KIAA0232: variants seen among roughly 807,000 people sequenced by gnomAD.
KIAA0232 encodes the protein KIAA0232, also known as uncharacterized protein KIAA0232.
KIAA0232 carries 27 observed loss-of-function variants against 122.0 expected under a neutral mutation model. That is an observed-to-expected ratio of 0.22 (90% CI 0.16 to 0.31). The LOEUF is 0.31. KIAA0232 is among the 10% of genes least tolerant of loss of function. The pLI is 1.00. For missense variants in KIAA0232, 1,551 were observed against 1,634.2 expected (o/e 0.95, Z 0.88); for synonymous variants, 613 against 587.6 (o/e 1.04, Z -0.63).
At chr4:6,793,753 G>C (rs141493661) in intron 1 of KIAA0232, among the ~76,000 whole-genome samples, 3 of 152,284 alleles carry the variant, frequency 2.0e-5, no homozygotes, top group African/African-American at 7.2e-5. Flanking sequence ...TAATCTGTTA[G>C]GGCGTTGTGT....
At chr4:6,791,984 T>G (rs964006189) in intron 1 of KIAA0232, among the ~76,000 whole-genome samples, 2 of 151,814 alleles carry the variant, frequency 1.3e-5, no homozygotes, top group African/African-American at 4.8e-5. Context: ...AAAAGGGGAG[T>G]TTCCCTGCAT....
chr4:6,839,359 CAA>C (rs1176668951), intron 3 of KIAA0232, among the ~76,000 whole-genome samples: 2 of 152,162 alleles, frequency 1.3e-5, no homozygotes, highest in African/African-American at 4.8e-5. Flanking sequence ...GATGGGTACA[CAA>C]ATTCCTATAC....
In KIAA0232 at chr4:6,863,113, T is replaced by C; in HGVS notation, c.2731T>C (p.Tyr911His). 1.9e-6 allele frequency: 3 copies of C among 1,614,214 alleles called. No homozygotes were observed. The highest frequency in any genetic ancestry group is 2.5e-6 in the Non-Finnish European group (3 of 1,180,036). Residue 911 changes from tyrosine to histidine, a missense_variant, in exon 7 of 10, where the codon TAT becomes CAT. Around this residue, in one of 5 missense-constraint regions of KIAA0232, gnomAD observed 1,108 missense variants for 1,154.8 expected, o/e 0.96. Coordinates refer to ENST00000307659, the MANE Select transcript of KIAA0232 (RefSeq NM_014743.3). ...SELSNVDGGD[Y>H]TTPSKPWDVA... Reference sequence around the variant, plus strand: ...GCTATCAAACGTGGATGGTGGTGATTATACAACACCCTCTAAACCCTGGGA... The same window carrying C: ...GCTATCAAACGTGGATGGTGGTGATCATACAACACCCTCTAAACCCTGGGA...
At chr4:6,835,694 C>T (rs902576089) in intron 3 of KIAA0232, among the ~76,000 whole-genome samples, 4 of 152,232 alleles carry the variant, frequency 2.6e-5, no homozygotes, top group South Asian at 2.1e-4. Context: ...GTTCAATTCC[C>T]GCTTATGAGT....
chr4:6,789,217 C>G (rs139932092), intron 1 of KIAA0232, among the ~76,000 whole-genome samples: 1 of 151,502 alleles, frequency 6.6e-6, no homozygotes, highest in East Asian at 1.9e-4. Context: ...GTGGTCTGCC[C>G]GCTTTGGCCT....
chr4:6,803,819 T>G (rs983137912), intron 1 of KIAA0232, among the ~76,000 whole-genome samples: 14 of 152,114 alleles, frequency 9.2e-5, no homozygotes, highest in Admixed American at 5.9e-4. Context: ...ATTTTCTTCC[T>G]TTACATTTAC....
At chr4:6,806,607 G>A (rs771728669) in intron 2 of KIAA0232, among the ~76,000 whole-genome samples, 18 of 151,612 alleles carry the variant, frequency 1.2e-4, no homozygotes, top group Admixed American at 4.6e-4. Context: ...GGTGGTGGGC[G>A]TCTATAATCC....
At chr4:6,837,515 G>A (rs904623143) in intron 3 of KIAA0232, among the ~76,000 whole-genome samples, 4 of 152,342 alleles carry the variant, frequency 2.6e-5, no homozygotes, top group East Asian at 3.9e-4. Context: ...ACGGGGTGGC[G>A]GCCAGGCAGA....
In KIAA0232 at chr4:6,881,579, A is replaced by G. The variant is rs1188795371; in HGVS notation, c.*613A>G. The G allele has an allele frequency of 1.3e-5, 2 of 152,656 alleles. No homozygotes were observed. Among genetic ancestry groups the G allele is most frequent in the East Asian group, 3.8e-4 (2 of 5,198 alleles). The allele number at this position is 152,656 out of a possible 1,614,324, so 9.5% of individuals were successfully genotyped here. A position where few individuals can be genotyped will look rare whatever the true frequency, so the allele number is the denominator to read the frequency against. The stretch of plus-strand genomic sequence containing the variant: ...TCTCTCTTAGGATTTCTTTTCCCCT[A>G]AAGTATCACGGAAGATACTATGGTT... On this transcript the variant is annotated 3_prime_UTR_variant, in exon 10 of 10. Coordinates refer to ENST00000307659, the MANE Select transcript of KIAA0232 (RefSeq NM_014743.3).
chr4:6,818,897 G>A (rs1332501613), intron 2 of KIAA0232, among the ~76,000 whole-genome samples: 12 of 152,058 alleles, frequency 7.9e-5, no homozygotes, highest in Non-Finnish European at 1.8e-4. Flanking sequence ...CAATGGAACG[G>A]AATAGAGAAC....
chr4:6,789,420 C>T (rs1402090873), intron 1 of KIAA0232, among the ~76,000 whole-genome samples: 2 of 151,208 alleles, frequency 1.3e-5, no homozygotes, highest in Admixed American at 6.6e-5. Flanking sequence ...ATTACAGGTG[C>T]GTGCCACCAT....
chr4:6,867,202 G>T (rs1020759409), intron 7 of KIAA0232, among the ~76,000 whole-genome samples: 3 of 152,124 alleles, frequency 2.0e-5, no homozygotes, highest in Admixed American at 1.3e-4. Flanking sequence ...GCAGTTTTAG[G>T]TGCTGTAGGT....
At chr4:6,850,391 TTACTAAA>T (rs1720211754) in intron 4 of KIAA0232, among the ~76,000 whole-genome samples, 1 of 152,222 alleles carries the variant, frequency 6.6e-6, no homozygotes, top group Non-Finnish European at 1.5e-5. Context: ...TTTCGTATGT[TTACTAAA>T]TACTGTTTGA....
intron 3 of KIAA0232, among the ~76,000 whole-genome samples, chr4:6,837,873 AGCCTTGGC>A (rs1186560631): frequency 3.3e-5 from 5 of 151,142 alleles, no homozygotes; most frequent in Admixed American, 3.3e-4. Context: ...AGCACAGTCC[AGCCTTGGC>A]TGGGCATTAG....
Position 6,871,598 on chromosome 4 carries a change from C to G in KIAA0232, c.3826C>G (p.Gln1276Glu). The change falls in exon 8 of 10, where the codon CAA (glutamine) becomes GAA (glutamate). Residue 1276 changes from glutamine (Q) to glutamate (E), a missense_variant. Coordinates refer to ENST00000307659, the MANE Select transcript of KIAA0232 (RefSeq NM_014743.3). Reference protein sequence around the residue: ...EEFPVLNTDIQGMNRSQEKQT... With the variant: ...EEFPVLNTDIEGMNRSQEKQT... ...GTTCCCTGTATTGAACACTGATATA[C>G]AAGGAATGAATAGAAGTCAAGAAAA... is the stretch of plus-strand genomic sequence containing the variant. 1 of 1,608,212 alleles carries G rather than the reference C, an allele frequency of 6.2e-7. No homozygotes were observed. Among genetic ancestry groups the G allele is most frequent in the African/African-American group, 1.3e-5 (1 of 74,872 alleles).
intron 1 of KIAA0232, among the ~76,000 whole-genome samples, chr4:6,795,115 G>T (rs1432349516): frequency 6.6e-6 from 1 of 152,078 alleles, no homozygotes; most frequent in Admixed American, 6.5e-5. Flanking sequence ...CTGTCGCCCA[G>T]GCTGGAGTGC....
At chr4:6,849,631 T>C (rs1431204385) in intron 4 of KIAA0232, among the ~76,000 whole-genome samples, 1 of 151,946 alleles carries the variant, frequency 6.6e-6, no homozygotes, top group Non-Finnish European at 1.5e-5. Flanking sequence ...AAGAAAAAAT[T>C]AGCCGGATGT....
intron 8 of KIAA0232, among the ~76,000 whole-genome samples, chr4:6,872,660 T>C (rs1721553775): frequency 6.6e-6 from 1 of 152,210 alleles, no homozygotes; most frequent in Non-Finnish European, 1.5e-5. Context: ...AACACCAGTC[T>C]CCTGTCAGAG....
chr4:6,833,838 C>CT (rs1719123103), intron 3 of KIAA0232, among the ~76,000 whole-genome samples: 1 of 152,110 alleles, frequency 6.6e-6, no homozygotes, highest in Non-Finnish European at 1.5e-5. Context: ...AAAACTTGTA[C>CT]TACTGACCCA....
Sources: allele counts gnomAD v4.1 joint callset (sites outside exome capture counted in the v4.1 genomes callset), GRCh38; gene constraint gnomAD v4.1.1; regional missense constraint gnomAD v4.1.1; transcripts MANE v1.5; gene names NCBI Gene and HGNC (gene_info 2026-07-23, HGNC 2026-07-21).